Variants in PHC3 observed in about 807,000 individuals in gnomAD.
PHC3 encodes the protein polyhomeotic homolog 3.
PHC3 carries 13 observed loss-of-function variants against 107.4 expected under a neutral mutation model. That is an observed-to-expected ratio of 0.12 (90% confidence interval 0.08 to 0.19). PHC3 has a LOEUF of 0.19. Ranked by LOEUF, PHC3 falls within the 10% of genes least tolerant of loss-of-function variation. PHC3 has a pLI of 1.00. For synonymous variants in PHC3, 456 were observed against 427.4 expected (o/e 1.07, Z -0.83); for missense variants, 992 against 1,210.9 (o/e 0.82, Z 2.68).
At chr3:170,154,522 A>C (rs913824639) in intron 4 of PHC3, among the ~76,000 whole-genome samples, 2 of 152,258 alleles carry the variant, frequency 1.3e-5, no homozygotes, top group African/African-American at 4.8e-5. Context: ...AAATGTAATA[A>C]AAGTCTTCTT....
At chr3:170,174,123 G>A (rs555690765) in intron 2 of PHC3, among the ~76,000 whole-genome samples, 18 of 152,162 alleles carry the variant, frequency 1.2e-4, no homozygotes, top group African/African-American at 4.3e-4. Context: ...AACCCAGGAG[G>A]TGGAGGCTGC....
intron 9 of PHC3, 109 bp from the exon 10 acceptor site, chr3:170,117,585 C>T (rs1390231125): frequency 4.4e-6 from 5 of 1,127,370 alleles, no homozygotes; most frequent in Non-Finnish European, 6.2e-6. Context: ...CTGGTACTTT[C>T]AAAAACTGTT....
chr3:170,114,555 A>C (rs550138074), intron 10 of PHC3, among the ~76,000 whole-genome samples: 1 of 152,356 alleles, frequency 6.6e-6, no homozygotes, highest in Non-Finnish European at 1.5e-5. Flanking sequence ...CTAGTTTAGC[A>C]AACTAATCCA....
rs1714413823 is a variant in PHC3, at chr3:170,094,319, G to A, written c.*2911C>T. The stretch of plus-strand genomic sequence containing the variant: ...CTCTCTTAGTTGTTTAACTTCCCCA[G>A]GAACACAAGGCTTAAAGCAAAATTT... On this transcript the variant is annotated 3_prime_UTR_variant, in exon 15 of 15. Transcript: ENST00000495893. The A allele has an allele frequency of 6.6e-6, 1 of 152,116 alleles. No homozygotes were observed. Among genetic ancestry groups the A allele is most frequent in the African/African-American group, 2.4e-5 (1 of 41,428 alleles). 9.4% of individuals were successfully genotyped at this position (152,116 alleles called of 1,614,324 possible).
chr3:170,131,909 A>G (rs1651710837), intron 7 of PHC3, among the ~76,000 whole-genome samples: 1 of 152,226 alleles, frequency 6.6e-6, no homozygotes, highest in Non-Finnish European at 1.5e-5. Flanking sequence ...AGCTGTGACA[A>G]TTCAACAGAT....
At chr3:170,138,532 A>G (rs1257028852) in intron 6 of PHC3, among the ~76,000 whole-genome samples, 1 of 151,766 alleles carries the variant, frequency 6.6e-6, no homozygotes. Flanking sequence ...TCTACTAAAA[A>G]TACAAAAATT....
At chr3:170,111,331 A>AACG (rs1717683923) in intron 11 of PHC3, among the ~76,000 whole-genome samples, 1 of 150,496 alleles carries the variant, frequency 6.6e-6, no homozygotes, top group Admixed American at 6.6e-5. Flanking sequence ...CGAACGAACG[A>AACG]AAGAACAAAA....
At chr3:170,127,034 G>A (rs1020825619) in intron 8 of PHC3, among the ~76,000 whole-genome samples, 2 of 151,928 alleles carry the variant, frequency 1.3e-5, no homozygotes, top group Non-Finnish European at 2.9e-5. Flanking sequence ...GAACTAGGTA[G>A]TGAGAAAGTA....
In PHC3 at chr3:170,162,548, T is replaced by G. The variant is rs764416180; in HGVS notation, c.414+8825A>C. 1.8e-4 allele frequency among the ~76,000 whole-genome samples: 27 copies of G among 152,260 alleles called. No homozygotes were observed. In the Middle Eastern group the frequency reaches 0.01, roughly 58 times the overall value. ...TCTATAATTAAAGGTTAAAAAAAAT[T>G]TACAATCTAGCTAACTACTTTTCTC... On this transcript the variant is annotated intron_variant, in intron 4 of 14. Coordinates refer to ENST00000495893, the MANE Select transcript of PHC3 (RefSeq NM_024947.4).
In PHC3 at chr3:170,129,337, C is replaced by T. The variant is rs201049906; in HGVS notation, c.1135G>A (p.Ala379Thr). Residue 379 changes from alanine (A) to threonine (T), a missense_variant, in exon 8 of 15, where the codon GCC becomes ACC. Transcript: ENST00000495893. ...NHGLPPAPSN[A>T]QSQHCSPIQS... ...ATCGGTGAACAATGCTGTGACTGGG[C>T]ATTACTGGGAGCTGGAGGAAGGCCA... is the stretch of plus-strand genomic sequence containing the variant. 1.3e-4 allele frequency: 204 copies of T among 1,613,732 alleles called. No homozygotes were observed. In the African/African-American group the frequency reaches 2.5e-3, roughly 19 times the overall value.
chr3:170,113,495 C>G lies in PHC3; in HGVS notation c.2218G>C (p.Glu740Gln). 3 of 1,608,826 alleles carry G rather than the reference C, an allele frequency of 1.9e-6. No homozygotes were observed. Among genetic ancestry groups the G allele is most frequent in the Non-Finnish European group, 1.7e-6 (2 of 1,177,826 alleles). The change falls in exon 11 of 15, where the codon GAA (glutamate) becomes CAA (glutamine). Residue 740 changes from glutamate to glutamine, a missense_variant. Around this residue, in one of 6 missense-constraint regions of PHC3, gnomAD observed 228 missense variants for 288.8 expected, o/e 0.79. Transcript: ENST00000495893. Reference sequence around the variant, plus strand: ...AGAGGCCGTTTTTTCACAGGCTGTTCTATTAGCAAAGAGGAACGACTCACC... The same window carrying G: ...AGAGGCCGTTTTTTCACAGGCTGTTGTATTAGCAAAGAGGAACGACTCACC... ...FPVSRSSLLI[E>Q]QPVKKRPLLD...
intron 12 of PHC3, among the ~76,000 whole-genome samples, chr3:170,105,576 A>G (rs1716339435): frequency 1.3e-5 from 2 of 152,202 alleles, no homozygotes; most frequent in South Asian, 2.1e-4. Flanking sequence ...ATAATTTAAT[A>G]CATTCATATA....
intron 11 of PHC3, among the ~76,000 whole-genome samples, chr3:170,111,064 T>C (rs535032280): frequency 6.6e-6 from 1 of 152,252 alleles, no homozygotes; most frequent in South Asian, 2.1e-4. Context: ...CAGACCTTAT[T>C]TGGAACCTGA....
At chr3:170,107,472 TATG>T (rs957288358) in intron 11 of PHC3, among the ~76,000 whole-genome samples, 7 of 152,160 alleles carry the variant, frequency 4.6e-5, no homozygotes, top group African/African-American at 1.7e-4. Context: ...ATCTGCAGTA[TATG>T]ATAAAATATA....
chr3:170,133,519 T>G (rs1041715376), intron 7 of PHC3, among the ~76,000 whole-genome samples: 2 of 152,058 alleles, frequency 1.3e-5, no homozygotes, highest in Non-Finnish European at 2.9e-5. Context: ...ACTAAAAAGG[T>G]GAAAAATATA....
At chr3:170,126,606 A>G (rs544732880) in intron 8 of PHC3, among the ~76,000 whole-genome samples, 1 of 146,684 alleles carries the variant, frequency 6.8e-6, no homozygotes, top group Non-Finnish European at 1.5e-5. Flanking sequence ...CAGTGGTACG[A>G]TCTCAGCTCA....
intron 4 of PHC3, among the ~76,000 whole-genome samples, chr3:170,151,630 T>G (rs1400000912): frequency 6.6e-6 from 1 of 152,222 alleles, no homozygotes; most frequent in Non-Finnish European, 1.5e-5. Flanking sequence ...AAATCCCTAT[T>G]TTGAGCCAAA....
chr3:170,166,049 T>A (rs1728696308), intron 4 of PHC3, among the ~76,000 whole-genome samples: 2 of 151,746 alleles, frequency 1.3e-5, no homozygotes, highest in African/African-American at 4.8e-5. Context: ...TAATTTTATT[T>A]ATTTTTATTT....
At chr3:170,169,402 C>CT (rs1560127850) in intron 4 of PHC3, among the ~76,000 whole-genome samples, 2 of 152,170 alleles carry the variant, frequency 1.3e-5, no homozygotes, top group Non-Finnish European at 2.9e-5. Context: ...CATGCTCCCC[C>CT]CCGTTTTTGG....
Sources: gnomAD v4.1 joint callset for allele counts (sites outside exome capture counted in the v4.1 genomes callset) on GRCh38, gnomAD v4.1.1 for gene constraint, gnomAD v4.1.1 regional missense constraint, MANE v1.5 for transcripts, NCBI Gene and HGNC (gene_info 2026-07-23, HGNC 2026-07-21) for gene names.